Variants in SYT14 observed in about 807,000 individuals in gnomAD.
The protein encoded by SYT14 is synaptotagmin-14.
A neutral mutation model predicts 74.2 loss-of-function variants in SYT14; 32 were observed. The ratio of observed to expected loss-of-function variants is 0.43; its 90% CI spans 0.33 to 0.58. SYT14 has a LOEUF of 0.58. SYT14 is among the 20% of genes least tolerant of loss of function. SYT14 has a pLI of 0.05. For synonymous variants in SYT14, 298 were observed against 337.7 expected (o/e 0.88, Z 1.29); for missense variants, 791 against 981.8 (o/e 0.81, Z 2.60).
At chr1:210,077,615 A>C (rs113239566) in intron 5 of SYT14, among the ~76,000 whole-genome samples, 47 of 152,344 alleles carry the variant, frequency 3.1e-4, no homozygotes, top group African/African-American at 1.1e-3. Flanking sequence ...ACAAATGTAC[A>C]AGTCAAATTG....
At chr1:209,972,729 GT>G (rs1470934634) in intron 2 of SYT14, among the ~76,000 whole-genome samples, 1 of 152,060 alleles carries the variant, frequency 6.6e-6, no homozygotes, top group Non-Finnish European at 1.5e-5. Context: ...AATGATTTCA[GT>G]TTTTTTGAAT....
chr1:210,160,565 T>G (rs145696069), intron 9 of SYT14, among the ~76,000 whole-genome samples, 164 bp from the exon 9 acceptor site: 23 of 152,318 alleles, frequency 1.5e-4, no homozygotes, highest in Admixed American at 3.9e-4. Flanking sequence ...ATTTGTCACA[T>G]ATTATAAGCA....
intron 5 of SYT14, among the ~76,000 whole-genome samples, chr1:210,077,256 T>C (rs902481460): frequency 1.3e-5 from 2 of 151,652 alleles, no homozygotes; most frequent in African/African-American, 4.8e-5. Flanking sequence ...GGGGGGGAGA[T>C]GCCACACACT....
At chr1:210,163,793 G>C (rs2083421411) in exon 10 of SYT14, 1 of 453,662 alleles carries the variant, frequency 2.2e-6, no homozygotes, top group South Asian at 1.6e-5. Flanking sequence ...GTACGAGACA[G>C]TACTACTGCT....
intron 7 of SYT14, among the ~76,000 whole-genome samples, chr1:210,105,112 T>C (rs566622327): frequency 1.1e-4 from 16 of 152,262 alleles, no homozygotes; most frequent in Admixed American, 9.8e-4. Context: ...TCTCATTCCC[T>C]CTCCGAAACT....
At chr1:209,938,221 G>C in exon 1 of SYT14, 1 of 1,517,532 alleles carries the variant, frequency 6.6e-7, no homozygotes, top group Non-Finnish European at 8.9e-7. Flanking sequence ...CCTCGCGTCT[G>C]CTGCCCCCGC....
chr1:210,137,898 C>G (rs1041801245), intron 7 of SYT14, among the ~76,000 whole-genome samples: 1 of 152,074 alleles, frequency 6.6e-6, no homozygotes, highest in Non-Finnish European at 1.5e-5. Flanking sequence ...TCAAGCTGGT[C>G]TCAAACTCCT....
exon 4 of SYT14, chr1:210,016,218 A>G: frequency 1.6e-6 from 2 of 1,232,096 alleles, no homozygotes; most frequent in Non-Finnish European, 2.0e-6. Flanking sequence ...ACTTCTAAAC[A>G]AAAAAATGCC....
intron 5 of SYT14, among the ~76,000 whole-genome samples, chr1:210,090,214 G>T (rs2081836482): frequency 6.6e-6 from 1 of 152,130 alleles, no homozygotes; most frequent in Admixed American, 6.5e-5. Flanking sequence ...TTCAGTTCTA[G>T]GAAGTCAGCA....
At chr1:210,030,671 G>T (rs1414602405) in intron 5 of SYT14, among the ~76,000 whole-genome samples, 1 of 152,078 alleles carries the variant, frequency 6.6e-6, no homozygotes, top group Non-Finnish European at 1.5e-5. Context: ...CTTGATCTTA[G>T]AGGATAAGGT....
At chr1:210,146,917 C>G (rs1422234680) in intron 7 of SYT14, among the ~76,000 whole-genome samples, 1 of 151,664 alleles carries the variant, frequency 6.6e-6, no homozygotes, top group Non-Finnish European at 1.5e-5. Context: ...CTACTTCTTT[C>G]CTTAAAAGAA....
In SYT14 at chr1:210,124,023, A is replaced by T. The variant is rs73074122; in HGVS notation, c.2034+23562A>T. Among the ~76,000 whole-genome samples, 1,221 of 152,304 alleles carry T rather than the reference A, an allele frequency of 8.0e-3. 21 individuals carry two copies. The highest frequency in any genetic ancestry group is 0.028 in the African/African-American group (1,166 of 41,576). On this transcript the variant is annotated intron_variant, in intron 7 of 9. Coordinates refer to ENST00000637265, the Ensembl canonical transcript of SYT14. ...CAAAGCAAATAGTAGAAGGGTCAGT[A>T]CGAGGATTGGCAAACTATGGCCTTC...
At chr1:209,958,948 T>A (rs911122386) in intron 2 of SYT14, among the ~76,000 whole-genome samples, 1 of 152,004 alleles carries the variant, frequency 6.6e-6, no homozygotes, top group African/African-American at 2.4e-5. Context: ...GAATTGGAAC[T>A]CCCATCTATT....
chr1:210,078,077 G>A (rs536887271), intron 5 of SYT14, among the ~76,000 whole-genome samples: 1 of 152,066 alleles, frequency 6.6e-6, no homozygotes, highest in Admixed American at 6.5e-5. Flanking sequence ...TTGGGAGGCC[G>A]AGGCGGGCGG....
chr1:210,159,893 A>T (rs151312048), intron 9 of SYT14, among the ~76,000 whole-genome samples: 3 of 152,200 alleles, frequency 2.0e-5, no homozygotes. Flanking sequence ...TGTCTCCCAA[A>T]TAATCAGGCA....
At chr1:210,162,190 T>C (rs938314862) in exon 10 of SYT14, 4 of 434,200 alleles carry the variant, frequency 9.2e-6, no homozygotes, top group Non-Finnish European at 1.9e-5. Context: ...TAACTAGACT[T>C]TATGAAATTA....
At chr1:210,156,666 T>C (rs2083272773) in intron 8 of SYT14, among the ~76,000 whole-genome samples, 1 of 145,034 alleles carries the variant, frequency 6.9e-6, no homozygotes, top group Non-Finnish European at 1.5e-5. Context: ...AGAGGTAAAC[T>C]GGGAAAGTGG....
intron 4 of SYT14, among the ~76,000 whole-genome samples, chr1:210,018,656 C>T (rs1354231348): frequency 6.6e-6 from 1 of 152,112 alleles, no homozygotes; most frequent in East Asian, 1.9e-4. Context: ...AAGAAGCATG[C>T]TAGTACCTAA....
intron 7 of SYT14, among the ~76,000 whole-genome samples, chr1:210,154,175 TGTTTCTGAACA>T (rs2102708081): frequency 6.6e-6 from 1 of 152,320 alleles, no homozygotes; most frequent in East Asian, 1.9e-4. Context: ...TTAGTAAGAC[TGTTTCTGAACA>T]GTCTTCCAGC....
Sources: allele counts gnomAD v4.1 joint callset (sites outside exome capture counted in the v4.1 genomes callset), GRCh38; gene constraint gnomAD v4.1.1; transcripts MANE v1.5; gene names NCBI Gene and HGNC (gene_info 2026-07-23, HGNC 2026-07-21).